The following SHOC2 variants were observed in gnomAD, a reference collection of about 807,000 sequenced individuals.
SHOC2 encodes the protein SHOC2 leucine rich repeat scaffold protein.
In SHOC2, 4 loss-of-function variants were observed where a neutral mutation model predicts 50.2. The ratio of observed to expected loss-of-function variants is 0.08; its 90% CI spans 0.04 to 0.18. SHOC2 has a LOEUF of 0.18. Among genes scored for constraint, SHOC2 ranks in the 10% least tolerant of loss-of-function variants. The pLI, the probability that SHOC2 is intolerant of heterozygous loss-of-function variation, is 1.00. For synonymous variants in SHOC2, 218 were observed against 244.5 expected, an observed-to-expected ratio of 0.89 and a Z score of 1.01; for missense variants, 388 against 669.6, an observed-to-expected ratio of 0.58 and a Z score of 4.64.
intron 4 of SHOC2, among the ~76,000 whole-genome samples, chr10:111,002,433 T>A (rs1283488299): frequency 3.3e-5 from 5 of 152,210 alleles, no homozygotes; most frequent in African/African-American, 1.2e-4. Flanking sequence ...AATGACTATT[T>A]TGTCATTTGA....
At chr10:110,929,425 G>A (rs1416165980) in intron 1 of SHOC2, among the ~76,000 whole-genome samples, 1 of 152,060 alleles carries the variant, frequency 6.6e-6, no homozygotes, top group African/African-American at 2.4e-5. Flanking sequence ...AGCTTCTGAT[G>A]TGGGAATCTT....
At chr10:110,974,433 GT>G (rs1217240928) in intron 2 of SHOC2, among the ~76,000 whole-genome samples, 1 of 152,008 alleles carries the variant, frequency 6.6e-6, no homozygotes. Flanking sequence ...GGTCAAGGTG[GT>G]TGATAATGTT....
intron 3 of SHOC2, among the ~76,000 whole-genome samples, chr10:110,992,955 C>T (rs748502574): frequency 1.3e-5 from 2 of 152,010 alleles, no homozygotes; most frequent in Non-Finnish European, 2.9e-5. Context: ...TAGTCTTACT[C>T]GAAAGTTATA....
In SHOC2 at chr10:110,990,773, A is replaced by G. The variant is rs943569662; in HGVS notation, c.841+5008A>G. Among the ~76,000 whole-genome samples the G allele has an allele frequency of 8.5e-5, 13 of 152,208 alleles. 1 individual carries two copies. Among genetic ancestry groups the G allele is most frequent in the Non-Finnish European group, 1.9e-4 (13 of 68,034 alleles). ...CAAAAAAAACAAAAACAAAAAACAAAAAAAAACACAACAAAATGTTGCTTT... is the reference window on the plus strand; with the variant it reads ...CAAAAAAAACAAAAACAAAAAACAAGAAAAAACACAACAAAATGTTGCTTT... On this transcript the variant is annotated intron_variant, in intron 3 of 8. Coordinates refer to ENST00000369452, the MANE Select transcript of SHOC2 (RefSeq NM_007373.4).
At chr10:111,000,355 C>T in intron 3 of SHOC2, 60 bp from the exon 4 acceptor site, 1 of 1,539,134 alleles carries the variant, frequency 6.5e-7, no homozygotes, top group South Asian at 1.1e-5. Context: ...TAGCCTGTGA[C>T]AGTGAGAGGC....
intron 1 of SHOC2, among the ~76,000 whole-genome samples, chr10:110,957,399 A>T (rs574968403): frequency 6.6e-6 from 1 of 152,076 alleles, no homozygotes; most frequent in Non-Finnish European, 1.5e-5. Context: ...TAGCTTTTTA[A>T]TGCTCGTCTG....
chr10:110,956,389 G>A (rs984608217), intron 1 of SHOC2, among the ~76,000 whole-genome samples: 8 of 151,862 alleles, frequency 5.3e-5, no homozygotes, highest in African/African-American at 1.5e-4. Context: ...ATTTTTTTTG[G>A]TATTATTAGT....
chr10:110,967,111 A>G (rs749060296), intron 2 of SHOC2, among the ~76,000 whole-genome samples: 1 of 152,200 alleles, frequency 6.6e-6, no homozygotes, highest in African/African-American at 2.4e-5. Context: ...ATAATACTAT[A>G]CATTGTTCTG....
intron 2 of SHOC2, among the ~76,000 whole-genome samples, chr10:110,974,675 T>A (rs1298382792): frequency 6.6e-6 from 1 of 152,128 alleles, no homozygotes; most frequent in Admixed American, 6.5e-5. Context: ...GCGTTTTTTT[T>A]AGTGTTTCCT....
intron 4 of SHOC2, among the ~76,000 whole-genome samples, chr10:111,004,131 T>C (rs1175311700): frequency 6.6e-6 from 1 of 152,168 alleles, no homozygotes; most frequent in African/African-American, 2.4e-5. Flanking sequence ...AAGGAATCTT[T>C]ATGTTAATCT....
chr10:110,926,162 C>T (rs1343820910), intron 1 of SHOC2, among the ~76,000 whole-genome samples: 1 of 152,136 alleles, frequency 6.6e-6, no homozygotes, highest in African/African-American at 2.4e-5. Flanking sequence ...AGTGCTTTTA[C>T]TTCCTTTTTT....
intron 3 of SHOC2, among the ~76,000 whole-genome samples, chr10:110,986,539 T>A (rs548071727): frequency 6.6e-6 from 1 of 152,284 alleles, no homozygotes; most frequent in Non-Finnish European, 1.5e-5. Context: ...AGTGGCGTGA[T>A]CTTTGCTCAC....
At chr10:110,980,133 G>C (rs1172769485) in intron 2 of SHOC2, among the ~76,000 whole-genome samples, 2 of 150,680 alleles carry the variant, frequency 1.3e-5, no homozygotes, top group African/African-American at 4.9e-5. Flanking sequence ...AGTCTGAAAA[G>C]CGTTGTTCTA....
At chr10:111,006,039 G>A (rs1216763244) in intron 5 of SHOC2, among the ~76,000 whole-genome samples, 2 of 152,168 alleles carry the variant, frequency 1.3e-5, no homozygotes, top group African/African-American at 4.8e-5. Flanking sequence ...GGTTATATGA[G>A]ATTTAACAGT....
chr10:111,003,654 A>G (rs1480919725), intron 4 of SHOC2, among the ~76,000 whole-genome samples: 2 of 152,164 alleles, frequency 1.3e-5, no homozygotes, highest in Admixed American at 6.5e-5. Flanking sequence ...TAGCCTGTAC[A>G]GGATTTCTCA....
chr10:111,007,527 C>T lies in SHOC2; in HGVS notation c.1162-4C>T. On this transcript the variant is annotated splice_region_variant and splice_polypyrimidine_tract_variant and intron_variant, in intron 5 of 8. Transcript: ENST00000369452. The stretch of plus-strand genomic sequence containing the variant: ...CCTTGGATGCTTCTTTTTGTCTTTG[C>T]CAGGACAATCAGTTAACATCACTTC... The T allele has an allele frequency of 6.2e-7, 1 of 1,613,296 alleles. No individual in the cohort carries two copies. Among genetic ancestry groups the T allele is most frequent in the Non-Finnish European group, 8.5e-7 (1 of 1,179,512 alleles).
intron 1 of SHOC2, among the ~76,000 whole-genome samples, chr10:110,958,951 A>G (rs1309975488): frequency 6.6e-6 from 1 of 152,130 alleles, no homozygotes; most frequent in Non-Finnish European, 1.5e-5. Context: ...AACATTCTGT[A>G]ACACTTCCTT....
At chr10:110,940,429 T>C (rs1390540958) in intron 1 of SHOC2, among the ~76,000 whole-genome samples, 1 of 152,202 alleles carries the variant, frequency 6.6e-6, no homozygotes, top group Non-Finnish European at 1.5e-5. Context: ...TAGGGTTAGG[T>C]TCAAAAGTCA....
intron 2 of SHOC2, among the ~76,000 whole-genome samples, chr10:110,980,158 C>CTTT (rs745350568): frequency 7.4e-6 from 1 of 135,950 alleles, no homozygotes; most frequent in Non-Finnish European, 1.6e-5. Context: ...ATTCCTGTCA[C>CTTT]TTTTTTTTTT....
Sources: gnomAD v4.1 joint callset for allele counts (sites outside exome capture counted in the v4.1 genomes callset) on GRCh38, gnomAD v4.1.1 for gene constraint, MANE v1.5 for transcripts, NCBI Gene and HGNC (gene_info 2026-07-23, HGNC 2026-07-21) for gene names.